APBA1: variants seen among roughly 807,000 people sequenced by gnomAD.
The protein encoded by APBA1 is amyloid-beta A4 precursor protein-binding family A member 1.
APBA1 carries 55 observed loss-of-function variants against 86.6 expected under a neutral mutation model. That is an observed-to-expected ratio of 0.64 (90% confidence interval 0.51 to 0.80). The LOEUF is 0.80. Ranked by LOEUF, APBA1 falls within the 30% of genes least tolerant of loss-of-function variation. The pLI, the probability that APBA1 is intolerant of heterozygous loss-of-function variation, is 0.00. For missense variants in APBA1, 1,090 were observed against 1,183.0 expected (o/e 0.92, Z 1.15); for synonymous variants, 511 against 493.9 (o/e 1.03, Z -0.46).
intron 8 of APBA1, among the ~76,000 whole-genome samples, chr9:69,455,457 A>G (rs553218817): frequency 6.6e-6 from 1 of 152,280 alleles, no homozygotes; most frequent in African/African-American, 2.4e-5. Context: ...TGGTGGCCTC[A>G]CTAGCAGCTT....
intron 1 of APBA1, among the ~76,000 whole-genome samples, chr9:69,585,507 T>A (rs1215332151): frequency 6.6e-6 from 1 of 152,184 alleles, no homozygotes; most frequent in African/African-American, 2.4e-5. Context: ...GACAAAGCTG[T>A]GGCTTTGAGT....
chr9:69,439,384 G>A (rs902871020), intron 11 of APBA1, among the ~76,000 whole-genome samples: 8 of 151,516 alleles, frequency 5.3e-5, no homozygotes, highest in Non-Finnish European at 1.2e-4. Context: ...TTCCAACTTG[G>A]TTCCATTCTC....
chr9:69,608,410 G>A (rs1216036471), intron 1 of APBA1, among the ~76,000 whole-genome samples: 3 of 152,114 alleles, frequency 2.0e-5, no homozygotes, highest in Admixed American at 2.0e-4. Flanking sequence ...AAAAGGAAAG[G>A]GGGAGTAGGT....
chr9:69,570,141 T>A (rs1201869342), intron 1 of APBA1, among the ~76,000 whole-genome samples: 2 of 152,228 alleles, frequency 1.3e-5, no homozygotes, highest in South Asian at 2.1e-4. Flanking sequence ...ACCTAAAGGC[T>A]ACTGAACACA....
chr9:69,613,819 G>T (rs1048741991), intron 1 of APBA1, among the ~76,000 whole-genome samples: 1 of 151,900 alleles, frequency 6.6e-6, no homozygotes, highest in Non-Finnish European at 1.5e-5. Flanking sequence ...TCTATAATAC[G>T]GTATACATTC....
At chr9:69,459,093 C>G (rs957476884) in intron 5 of APBA1, among the ~76,000 whole-genome samples, 1 of 152,214 alleles carries the variant, frequency 6.6e-6, no homozygotes, top group East Asian at 1.9e-4. Flanking sequence ...CGCGAGCCAC[C>G]GCGCCTGGCC....
intron 1 of APBA1, among the ~76,000 whole-genome samples, chr9:69,645,837 G>T (rs1374297965): frequency 1.3e-5 from 2 of 152,108 alleles, no homozygotes; most frequent in African/African-American, 4.8e-5. Flanking sequence ...TTTGGTGTTG[G>T]GTGCTGCTCC....
At chr9:69,646,147 T>C (rs1296706069) in intron 1 of APBA1, among the ~76,000 whole-genome samples, 1 of 152,184 alleles carries the variant, frequency 6.6e-6, no homozygotes, top group African/African-American at 2.4e-5. Flanking sequence ...ATTTATAATA[T>C]CAAGTTTTTT....
intron 2 of APBA1, among the ~76,000 whole-genome samples, chr9:69,495,587 G>A (rs890382606): frequency 4.6e-5 from 7 of 152,080 alleles, no homozygotes; most frequent in African/African-American, 1.7e-4. Context: ...AATGGTCCAG[G>A]CAGTCATGCG....
chr9:69,636,318 C>G (rs1823158121), intron 1 of APBA1, among the ~76,000 whole-genome samples: 1 of 152,134 alleles, frequency 6.6e-6, no homozygotes, highest in Non-Finnish European at 1.5e-5. Flanking sequence ...TTAATACAGC[C>G]ACTATGGAGA....
intron 1 of APBA1, among the ~76,000 whole-genome samples, chr9:69,615,320 C>T (rs1337219891): frequency 6.6e-6 from 1 of 152,176 alleles, no homozygotes; most frequent in Admixed American, 6.5e-5. Context: ...TAATTCCTTC[C>T]AAAATTCAGA....
chr9:69,587,737 G>A (rs1249609273), intron 1 of APBA1, among the ~76,000 whole-genome samples: 1 of 152,080 alleles, frequency 6.6e-6, no homozygotes, highest in Non-Finnish European at 1.5e-5. Context: ...AATGTACTGT[G>A]ATATTGGCCC....
intron 1 of APBA1, among the ~76,000 whole-genome samples, chr9:69,632,977 C>G (rs973600121): frequency 6.6e-5 from 10 of 152,040 alleles, no homozygotes; most frequent in Admixed American, 2.0e-4. Context: ...AGCTCCCCCC[C>G]TGCTGGGTCA....
chr9:69,597,716 C>T (rs1822257889), intron 1 of APBA1, among the ~76,000 whole-genome samples: 1 of 152,216 alleles, frequency 6.6e-6, no homozygotes, highest in Admixed American at 6.5e-5. Flanking sequence ...GATCCAGTTT[C>T]AGCTTTCTAC....
intron 1 of APBA1, among the ~76,000 whole-genome samples, chr9:69,554,686 T>A (rs1289104667): frequency 6.6e-6 from 1 of 152,172 alleles, no homozygotes; most frequent in Non-Finnish European, 1.5e-5. Context: ...GTTCTAATTT[T>A]TTTCTACCTT....
intron 1 of APBA1, among the ~76,000 whole-genome samples, chr9:69,600,090 G>A (rs1237087366): frequency 6.6e-6 from 1 of 152,082 alleles, no homozygotes; most frequent in African/African-American, 2.4e-5. Context: ...CTAATCTGTT[G>A]CCTCCCTGGT....
intron 1 of APBA1, among the ~76,000 whole-genome samples, chr9:69,645,533 C>T (rs1415584747): frequency 6.6e-6 from 1 of 152,216 alleles, no homozygotes; most frequent in African/African-American, 2.4e-5. Flanking sequence ...AAGCTAGAGA[C>T]TTGCTTGCCC....
intron 1 of APBA1, among the ~76,000 whole-genome samples, chr9:69,629,074 A>T (rs1026109028): frequency 7.2e-5 from 11 of 152,284 alleles, no homozygotes; most frequent in African/African-American, 2.6e-4. Context: ...GTAGAAAACT[A>T]TACAAAAGGT....
At chr9:69,546,066 T>A (rs1229324755) in intron 1 of APBA1, among the ~76,000 whole-genome samples, 1 of 152,210 alleles carries the variant, frequency 6.6e-6, no homozygotes, top group Non-Finnish European at 1.5e-5. Flanking sequence ...CTTTAAAAAA[T>A]TAGGAATTCA....
Sources: allele counts gnomAD v4.1 joint callset (sites outside exome capture counted in the v4.1 genomes callset), GRCh38; gene constraint gnomAD v4.1.1; transcripts MANE v1.5; gene names NCBI Gene and HGNC (gene_info 2026-07-23, HGNC 2026-07-21).